MAPK13: variants seen among roughly 807,000 people sequenced by gnomAD.
The protein encoded by MAPK13 is mitogen-activated protein kinase 13, also known as MAP kinase 13.
A neutral mutation model predicts 53.5 loss-of-function variants in MAPK13; 39 were observed. The observed-to-expected ratio is 0.73, with a 90% CI of 0.56 to 0.95. The LOEUF is 0.95. Among genes scored for constraint, MAPK13 ranks in the 40% least tolerant of loss-of-function variants. The probability of loss-of-function intolerance (pLI) is 0.00; values close to 1 mark genes in which losing one functional copy is unlikely to be tolerated. For missense variants in MAPK13, 460 were observed against 471.8 expected (o/e 0.98, Z 0.23); for synonymous variants, 179 against 190.9 (o/e 0.94, Z 0.51).
rs1036935576 is a variant in MAPK13, at chr6:36,143,271, C to A, written c.*3898C>A. 6.6e-5 allele frequency: 10 copies of A among 152,002 alleles called. No individual in the cohort carries two copies. The highest frequency in any genetic ancestry group is 2.2e-4 in the African/African-American group (9 of 41,362). The allele number at this position is 152,002 out of a possible 1,614,324, so 9.4% of individuals were successfully genotyped here. Reference sequence around the variant, plus strand: ...GCGTGGATTGGGGTGGTGCTGCCCCCAGTGAGGGGCAGCACAAGGGGAGAC... The same window carrying A: ...GCGTGGATTGGGGTGGTGCTGCCCCAAGTGAGGGGCAGCACAAGGGGAGAC... On this transcript the variant is annotated 3_prime_UTR_variant, in exon 12 of 12. Coordinates refer to ENST00000211287, the MANE Select transcript of MAPK13 (RefSeq NM_002754.5).
Position 36,139,318 on chromosome 6 carries a change from A to C in MAPK13, c.1043A>C (p.Asn348Thr), listed in dbSNP as rs1412900333. The change falls in exon 12 of 12, where the codon AAC (asparagine) becomes ACC (threonine). Residue 348 changes from asparagine to threonine, a missense_variant. Transcript: ENST00000211287. ...GAGCACATCTACAAGGAGATTGTGA[A>C]CTTCAGCCCCATTGCCCGGAAGGAC... ...WKQHIYKEIV[N>T]FSPIARKDSR... 2 of 1,613,948 alleles carry C rather than the reference A, an allele frequency of 1.2e-6. No individual in the cohort carries two copies. The highest frequency in any genetic ancestry group is 4.5e-5 in the East Asian group (2 of 44,864).
chr6:36,132,944 C>A (rs541418410), intron 3 of MAPK13, among the ~76,000 whole-genome samples: 26 of 152,282 alleles, frequency 1.7e-4, no homozygotes, highest in South Asian at 6.2e-4. Context: ...TTTTACCCAG[C>A]TTTAACACCA....
chr6:36,131,197 G>C (rs1003967558), intron 1 of MAPK13, 74 bp from the exon 2 acceptor site: 17 of 1,528,330 alleles, frequency 1.1e-5, no homozygotes, highest in East Asian at 9.2e-5. Flanking sequence ...CTGCCCAGTG[G>C]GAGGGGTCAG....
chr6:36,138,650 C>A (rs377570304), intron 9 of MAPK13, 52 bp from the exon 10 acceptor site: 1 of 1,557,124 alleles, frequency 6.4e-7, no homozygotes, highest in African/African-American at 1.4e-5. Context: ...AATCCCTGCT[C>A]TACACGCTGA....
In MAPK13 at chr6:36,130,579, C is replaced by T. The variant is rs368056292; in HGVS notation, c.-4C>T. On this transcript the variant is annotated 5_prime_UTR_variant, in exon 1 of 12. Coordinates refer to ENST00000211287, the MANE Select transcript of MAPK13 (RefSeq NM_002754.5). This position sits in a 1 kb window ranked among gnomAD's most constrained non-coding sequence, Gnocchi z 4.5. ...GCTGGGGCCGCCGAGATCGGGTGCC[C>T]GGGATGAGCCTCATCCGGAAAAAGG... 4 of 1,516,566 alleles carry T rather than the reference C, an allele frequency of 2.6e-6. No individual in the cohort carries two copies. The highest frequency in any genetic ancestry group is 2.9e-5 in the African/African-American group (2 of 69,242). The allele number at this position is 1,516,566 out of a possible 1,614,324, so 93.9% of individuals were successfully genotyped here.
Position 36,132,652 on chromosome 6 carries a change from C to T in MAPK13, c.281C>T (p.Ala94Val). The T allele has an allele frequency of 1.2e-6, 2 of 1,614,230 alleles. No individual in the cohort carries two copies. The highest frequency in any genetic ancestry group is 1.7e-6 in the Non-Finnish European group (2 of 1,180,030). ...GGGCTCCTGGATGTCTTCACCCCAG[C>T]CTCCTCCCTGCGCAACTTCTATGAC... Reference protein sequence around the residue: ...VIGLLDVFTPASSLRNFYDFY... With the variant: ...VIGLLDVFTPVSSLRNFYDFY... The change falls in exon 3 of 12, where the codon GCC (alanine) becomes GTC (valine). Residue 94 changes from alanine to valine, a missense_variant. Coordinates refer to ENST00000211287, the MANE Select transcript of MAPK13 (RefSeq NM_002754.5).
rs1766483602 is a variant in MAPK13, at chr6:36,139,157, CCTT to C, written c.1018+106_1018+108del. On this transcript the variant is annotated intron_variant, in intron 11 of 11. Coordinates refer to ENST00000211287, the MANE Select transcript of MAPK13 (RefSeq NM_002754.5). ...CCTCTGCCAGCCCTACCTGCCACCT[CCTT>C]CTTGGTGGGCATTGTCTCCTGGGTG... 20 of 1,400,502 alleles carry C rather than the reference CCTT, an allele frequency of 1.4e-5. No homozygotes were observed. The South Asian group carries it at 1.7e-4, about 12-fold the overall frequency. The allele number at this position is 1,400,502 out of a possible 1,614,324, so 86.8% of individuals were successfully genotyped here.
rs977167316 is a variant in MAPK13, at chr6:36,143,375, C to T, written c.*4002C>T. 5 of 152,126 alleles carry T rather than the reference C, an allele frequency of 3.3e-5. No homozygotes were observed. Among genetic ancestry groups the T allele is most frequent in the African/African-American group, 9.7e-5 (4 of 41,394 alleles). 9.4% of individuals were successfully genotyped at this position (152,126 alleles called of 1,614,324 possible). On this transcript the variant is annotated 3_prime_UTR_variant, in exon 12 of 12. Transcript: ENST00000211287. ...GAGCTGCCTGATGGAGGAACAGCTC[C>T]GTAAGGGTGAACCCAGTGTGCACGG... is the stretch of plus-strand genomic sequence containing the variant.
At chr6:36,133,686 C>T (rs753498850) in intron 3 of MAPK13, among the ~76,000 whole-genome samples, 6 of 152,260 alleles carry the variant, frequency 3.9e-5, no homozygotes, top group South Asian at 2.1e-4. Context: ...CCTCAGGAGA[C>T]GAAGGTCTGG....
chr6:36,131,544 G>A, intron 2 of MAPK13, 144 bp downstream of exon 2: 1 of 812,580 alleles, frequency 1.2e-6, no homozygotes, highest in South Asian at 1.8e-5. Flanking sequence ...CTATTGAAAG[G>A]AGGGGGTGCC....
chr6:36,135,138 C>T (rs1450695251), intron 3 of MAPK13, among the ~76,000 whole-genome samples: 1 of 152,202 alleles, frequency 6.6e-6, no homozygotes, highest in Non-Finnish European at 1.5e-5. Flanking sequence ...GAGGTATGCC[C>T]CTGGCCTATT....
Position 36,138,402 on chromosome 6 carries a change from G to T in MAPK13, c.720G>T (p.Gly240=), listed in dbSNP as rs766738861. The change falls in exon 9 of 12, where the codon GGG becomes GGT. Residue 240 remains glycine (G), a synonymous_variant. Coordinates refer to ENST00000211287, the MANE Select transcript of MAPK13 (RefSeq NM_002754.5). The part of the protein sequence containing the change: ...DQLTQILKVT[G]VPGTEFVQKL... Reference sequence around the variant, plus strand: ...TGACCCAGATCCTGAAAGTGACCGGGGTGCCTGGCACGGAGTTTGTGCAGA... The same window carrying T: ...TGACCCAGATCCTGAAAGTGACCGGTGTGCCTGGCACGGAGTTTGTGCAGA... 1.2e-5 allele frequency: 20 copies of T among 1,613,918 alleles called. No individual in the cohort carries two copies. The highest frequency in any genetic ancestry group is 1.7e-5 in the Non-Finnish European group (20 of 1,179,976).
intron 3 of MAPK13, among the ~76,000 whole-genome samples, chr6:36,134,929 C>T (rs929043698): frequency 1.3e-5 from 2 of 152,180 alleles, no homozygotes; most frequent in African/African-American, 2.4e-5. Flanking sequence ...GCAGGAAAAT[C>T]GCTTGAACCT....
At chr6:36,136,379 G>A in intron 5 of MAPK13, 105 bp from the exon 6 acceptor site, 10 of 960,700 alleles carry the variant, frequency 1.0e-5, no homozygotes, top group Non-Finnish European at 1.5e-5. Context: ...CTGAGGCCCA[G>A]AAGGGGAAGG....
At chr6:36,134,457 AAC>A (rs1039678230) in intron 3 of MAPK13, among the ~76,000 whole-genome samples, 1 of 152,232 alleles carries the variant, frequency 6.6e-6, no homozygotes, top group Non-Finnish European at 1.5e-5. Context: ...CAGTGGCACA[AAC>A]ACAGTTCACT....
At position 36,130,727 on chromosome 6, in the gene MAPK13, C is replaced by CGGGGGGCG. The variant is rs1371339373; in HGVS notation, c.119+29_119+36dup. Reference sequence around the variant, plus strand: ...GTGAGACCCCTGGGCCGCTGGGGGGCGGGGGGCGGGCGCCAGGCTCTCCCC... The same window carrying CGGGGGGCG: ...GTGAGACCCCTGGGCCGCTGGGGGGCGGGGGGCGGGGGGGCGGGCGCCAGGCTCTCCCC... On this transcript the variant is annotated intron_variant, in intron 1 of 11. Transcript: ENST00000211287. The surrounding 1 kb of genome is among the most constrained non-coding windows in gnomAD (Gnocchi z 4.5). 1.0e-5 allele frequency: 5 copies of CGGGGGGCG among 476,444 alleles called. No individual in the cohort carries two copies. The highest frequency in any genetic ancestry group is 4.2e-5 in the Admixed American group (1 of 23,960). The allele number at this position is 476,444 out of a possible 1,614,324, so 29.5% of individuals were successfully genotyped here. A position where few individuals can be genotyped will look rare whatever the true frequency, so the allele number is the denominator to read the frequency against.
In MAPK13 at chr6:36,136,543, G is replaced by GC. The variant is rs780872575; in HGVS notation, c.495+13dup. ...ACTGTGAACTGAAGGTGAGTGGGCT[G>GC]CAGGCTCAGCCCAGAGGCGGGATAG... On this transcript the variant is annotated intron_variant, in intron 6 of 11. Coordinates refer to ENST00000211287, the MANE Select transcript of MAPK13 (RefSeq NM_002754.5). The GC allele has an allele frequency of 4.4e-6, 7 of 1,601,206 alleles. No homozygotes were observed. The African/African-American group carries it at 6.7e-5, about 15-fold the overall frequency.
intron 8 of MAPK13, 89 bp from the exon 9 acceptor site, chr6:36,138,276 G>A (rs1766460043): frequency 3.1e-6 from 3 of 960,142 alleles, no homozygotes; most frequent in Non-Finnish European, 3.3e-6. Flanking sequence ...CAGTTGCCAT[G>A]GTGCCCGGGT....
At chr6:36,132,705 GGGCATTTGCA>G in intron 3 of MAPK13, 26 bp downstream of exon 3, 1 of 1,614,006 alleles carries the variant, frequency 6.2e-7, no homozygotes. Context: ...CTGGGTTCTG[GGGCATTTGCA>G]GGCCTTACAT....
Sources: allele counts gnomAD v4.1 joint callset (sites outside exome capture counted in the v4.1 genomes callset), GRCh38; gene constraint gnomAD v4.1.1; non-coding constraint Gnocchi (gnomAD v3.1); transcripts MANE v1.5; gene names NCBI Gene and HGNC (gene_info 2026-07-23, HGNC 2026-07-21).